Variants in PAMR1 observed in about 807,000 individuals in gnomAD.
PAMR1 encodes peptidase domain containing associated with muscle regeneration 1.
In PAMR1, 88 loss-of-function variants were observed where a neutral mutation model predicts 81.8. The ratio of observed to expected loss-of-function variants is 1.08; its 90% confidence interval spans 0.91 to 1.28. The LOEUF is 1.28. Among genes scored for constraint, PAMR1 ranks in the 50% most tolerant of loss-of-function variants. The pLI, the probability that PAMR1 is intolerant of heterozygous loss-of-function variation, is 0.00. For missense variants in PAMR1, 935 were observed against 919.7 expected (o/e 1.02, Z -0.21); for synonymous variants, 336 against 345.3 (o/e 0.97, Z 0.30).
intron 3 of PAMR1, among the ~76,000 whole-genome samples, chr11:35,483,365 G>A (rs1850437711): frequency 1.3e-5 from 2 of 152,166 alleles, no homozygotes; most frequent in African/African-American, 4.8e-5. Context: ...AAAGCTGCAA[G>A]GTGACAACAT....
chr11:35,446,556 CA>C (rs1360013137), intron 6 of PAMR1, among the ~76,000 whole-genome samples: 1 of 152,152 alleles, frequency 6.6e-6, no homozygotes, highest in Admixed American at 6.5e-5. Context: ...TCATTGGTTT[CA>C]AAGAACTTCT....
chr11:35,468,104 G>A lies in PAMR1; in HGVS notation c.717C>T (p.Cys239=), dbSNP rs1394199544. 1.9e-6 allele frequency: 3 copies of A among 1,549,842 alleles called. No homozygotes were observed. The Admixed American group carries it at 5.9e-5, about 30-fold the overall frequency. ...CGTCATGGAAACAAGGGGATGAGGA[G>A]CATGCTGTAAGAGAAAAGGCATCCT... ...FHAIYEEITA[C]SSSPCFHDGT... The change falls in exon 6 of 11, where the codon TGC becomes TGT. Residue 239 remains cysteine (C), a synonymous_variant. Transcript: ENST00000619888.
At chr11:35,448,696 C>T (rs575793975) in intron 6 of PAMR1, among the ~76,000 whole-genome samples, 16 of 152,314 alleles carry the variant, frequency 1.1e-4, no homozygotes, top group East Asian at 5.8e-4. Flanking sequence ...AGAGGTGTTG[C>T]AATCATTTGG....
intron 7 of PAMR1, among the ~76,000 whole-genome samples, chr11:35,440,332 T>C (rs1274035853): frequency 6.6e-6 from 1 of 152,234 alleles, no homozygotes; most frequent in African/African-American, 2.4e-5. Context: ...AAGAGAAGAC[T>C]GGACAAAAAT....
chr11:35,454,679 G>T (rs1199104157), intron 6 of PAMR1, among the ~76,000 whole-genome samples: 1 of 152,142 alleles, frequency 6.6e-6, no homozygotes, highest in Non-Finnish European at 1.5e-5. Flanking sequence ...TCCTGGAGGG[G>T]ATGATATCAC....
rs756488086 is a variant in PAMR1 at position 35,494,176 on chromosome 11, C to G, written c.170G>C (p.Gly57Ala). The change falls in exon 2 of 11, where the codon GGA becomes GCA. Residue 57 changes from glycine to alanine, a missense_variant. Gly to Ala is a moderately conservative substitution (Grantham distance 60). Coordinates refer to ENST00000619888, the MANE Select transcript of PAMR1 (RefSeq NM_001001991.3). ...GGTATAACCCACGACTTCCCTCTTT[C>G]CGGGGCAGACGCACTCAATCTGATC... ...EYDQIECVCP[G>A]KREVVGYTIP... 57 of 1,613,994 alleles carry G rather than the reference C, an allele frequency of 3.5e-5. No homozygotes were observed. Among genetic ancestry groups the G allele is most frequent in the Non-Finnish European group, 5.1e-6 (6 of 1,179,938 alleles).
intron 1 of PAMR1, among the ~76,000 whole-genome samples, chr11:35,518,080 C>T (rs1321635849): frequency 6.6e-6 from 1 of 152,130 alleles, no homozygotes; most frequent in Non-Finnish European, 1.5e-5. Context: ...CCATTCTGTT[C>T]TACCAGTGCA....
intron 7 of PAMR1, 97 bp from the exon 8 acceptor site, chr11:35,439,790 C>G: frequency 2.0e-6 from 2 of 1,006,466 alleles, no homozygotes; most frequent in Non-Finnish European, 3.1e-6. Flanking sequence ...TTCTGGACAC[C>G]AGGTGCCCAT....
intron 3 of PAMR1, among the ~76,000 whole-genome samples, chr11:35,485,316 T>G (rs1850477998): frequency 6.6e-6 from 1 of 152,130 alleles, no homozygotes; most frequent in African/African-American, 2.4e-5. Context: ...TGTTGGAGAA[T>G]GATAAAAAGT....
At position 35,439,589 on chromosome 11, in the gene PAMR1, T is replaced by C. The variant is rs200419675; in HGVS notation, c.1100+38A>G. ...AGGGGAATGGAAGGGGAAATACTCA[T>C]TAGCCTTCAGGGCAGAGTGCAGGTG... is the stretch of plus-strand genomic sequence containing the variant. On this transcript the variant is annotated intron_variant, in intron 8 of 10. Coordinates refer to ENST00000619888, the MANE Select transcript of PAMR1 (RefSeq NM_001001991.3). 1.1e-4 allele frequency: 171 copies of C among 1,532,878 alleles called. 1 individual carries two copies. In the East Asian group the frequency reaches 1.9e-3, roughly 17 times the overall value. 95.0% of individuals were successfully genotyped at this position (1,532,878 alleles called of 1,614,324 possible).
At chr11:35,453,001 AT>A (rs1856451690) in intron 6 of PAMR1, among the ~76,000 whole-genome samples, 2 of 152,158 alleles carry the variant, frequency 1.3e-5, no homozygotes, top group Admixed American at 6.5e-5. Context: ...TTCAATAAAT[AT>A]TTGTTGGTGG....
intron 3 of PAMR1, among the ~76,000 whole-genome samples, chr11:35,483,755 G>T (rs1850444683): frequency 6.6e-6 from 1 of 152,098 alleles, no homozygotes. Context: ...AGGAGGGAAG[G>T]TCTTTCACAT....
At chr11:35,505,464 G>A (rs1850932226) in intron 1 of PAMR1, among the ~76,000 whole-genome samples, 1 of 152,014 alleles carries the variant, frequency 6.6e-6, no homozygotes, top group Non-Finnish European at 1.5e-5. Flanking sequence ...TTATTGTATT[G>A]CAGTCTAACT....
At chr11:35,463,638 G>T (rs1856704737) in intron 6 of PAMR1, among the ~76,000 whole-genome samples, 1 of 152,222 alleles carries the variant, frequency 6.6e-6, no homozygotes, top group African/African-American at 2.4e-5. Flanking sequence ...GTTGCTGACG[G>T]TGTTGGCAGG....
At chr11:35,467,238 C>A (rs1240170721) in intron 6 of PAMR1, among the ~76,000 whole-genome samples, 1 of 152,184 alleles carries the variant, frequency 6.6e-6, no homozygotes, top group Admixed American at 6.5e-5. Flanking sequence ...TCCTTCCCTT[C>A]CCAGGCCAGC....
intron 6 of PAMR1, among the ~76,000 whole-genome samples, chr11:35,457,742 A>C (rs1475070612): frequency 1.3e-5 from 2 of 152,136 alleles, no homozygotes; most frequent in Non-Finnish European, 1.5e-5. Context: ...GATTATTATA[A>C]ATGAGAAAGG....
chr11:35,437,276 C>A (rs1312685635), intron 8 of PAMR1, among the ~76,000 whole-genome samples: 5 of 152,066 alleles, frequency 3.3e-5, no homozygotes, highest in Admixed American at 3.3e-4. Flanking sequence ...AATGAATGGA[C>A]AAAGGAAGTG....
chr11:35,486,424 C>T (rs1355498763), intron 3 of PAMR1, among the ~76,000 whole-genome samples: 1 of 152,230 alleles, frequency 6.6e-6, no homozygotes, highest in Non-Finnish European at 1.5e-5. Context: ...AGACCATGCC[C>T]GTCTGGCTTA....
In PAMR1 at chr11:35,498,356, G is replaced by T. The variant is rs16927546; in HGVS notation, c.74-4084C>A. ...TCCCTCTGCTACTTGCCTTGGCAAA[G>T]CTACGTTACTCTCTCAGTCTCAGTT... On this transcript the variant is annotated intron_variant, in intron 1 of 10. Coordinates refer to ENST00000619888, the MANE Select transcript of PAMR1 (RefSeq NM_001001991.3). Among the ~76,000 whole-genome samples, 1,046 of 152,284 alleles carry T rather than the reference G, an allele frequency of 6.9e-3. 10 individuals carry two copies. Among genetic ancestry groups the T allele is most frequent in the African/African-American group, 0.024 (1,004 of 41,556 alleles).
Sources: gnomAD v4.1 joint callset for allele counts (sites outside exome capture counted in the v4.1 genomes callset) on GRCh38, gnomAD v4.1.1 for gene constraint, MANE v1.5 for transcripts, NCBI Gene and HGNC (gene_info 2026-07-23, HGNC 2026-07-21) for gene names.